SHANK2: variants seen among roughly 807,000 people sequenced by gnomAD.
SHANK2 encodes SH3 and multiple ankyrin repeat domains 2.
Under a neutral mutation model 133.7 loss-of-function variants are expected in SHANK2, and 43 were observed. That is an observed-to-expected ratio of 0.32 (90% CI 0.25 to 0.41). The LOEUF (loss-of-function observed/expected upper bound fraction) is 0.41. SHANK2 is among the 10% of genes least tolerant of loss of function. The pLI, the probability that SHANK2 is intolerant of heterozygous loss-of-function variation, is 1.00. For missense variants in SHANK2, 1,994 were observed against 2,235.8 expected, an observed-to-expected ratio of 0.89 and a Z score of 2.18; for synonymous variants, 1,017 against 952.8, an observed-to-expected ratio of 1.07 and a Z score of -1.24.
rs11424770 is a variant in SHANK2, at chr11:70,887,363, A to ATTT, written c.1174+9135_1174+9137dup. 4.3e-4 allele frequency among the ~76,000 whole-genome samples: 63 copies of ATTT among 146,484 alleles called. 1 individual carries two copies. The East Asian group carries it at 6.0e-3, about 14-fold the overall frequency. On this transcript the variant is annotated intron_variant, in intron 11 of 25. Coordinates refer to ENST00000601538, the MANE Select transcript of SHANK2 (RefSeq NM_012309.5). ...AATCACCAAACAGAGGTCCCATTTA[A>ATTT]TTTTTTTTTTTTTTTAAGAGGAAGG...
At chr11:70,521,033 C>G (rs1167915654) in intron 17 of SHANK2, among the ~76,000 whole-genome samples, 1 of 152,222 alleles carries the variant, frequency 6.6e-6, no homozygotes, top group Non-Finnish European at 1.5e-5. Flanking sequence ...CTGAGCCCAT[C>G]ACATGTGACT....
At chr11:70,695,074 T>C (rs782109861) in intron 15 of SHANK2, among the ~76,000 whole-genome samples, 3 of 152,086 alleles carry the variant, frequency 2.0e-5, no homozygotes, top group Non-Finnish European at 4.4e-5. Context: ...CCTGAATACG[T>C]CAGGATTCCA....
chr11:70,659,780 A>G, intron 17 of SHANK2, 48 bp downstream of exon 17: 1 of 1,612,116 alleles, frequency 6.2e-7, no homozygotes, highest in South Asian at 1.1e-5. Context: ...TCTCCCCGAG[A>G]GTCGGCGCTC....
chr11:70,627,326 G>C (rs1182591948), intron 17 of SHANK2, among the ~76,000 whole-genome samples: 4 of 152,186 alleles, frequency 2.6e-5, no homozygotes, highest in African/African-American at 9.6e-5. Flanking sequence ...GAACCCAGAT[G>C]TGGCAACTAT....
chr11:70,842,831 C>T (rs1470789119), intron 11 of SHANK2, among the ~76,000 whole-genome samples: 1 of 152,238 alleles, frequency 6.6e-6, no homozygotes, highest in Non-Finnish European at 1.5e-5. Context: ...GAAGCTCCCT[C>T]CACACGGTTT....
At chr11:71,219,042 G>C (rs1361502539) in intron 2 of SHANK2, among the ~76,000 whole-genome samples, 1 of 152,220 alleles carries the variant, frequency 6.6e-6, no homozygotes, top group Non-Finnish European at 1.5e-5. Flanking sequence ...CTGTGGGCAA[G>C]CTTCAGACCA....
chr11:71,201,404 C>T (rs545541303), intron 2 of SHANK2, among the ~76,000 whole-genome samples: 5 of 152,242 alleles, frequency 3.3e-5, no homozygotes, highest in Non-Finnish European at 5.9e-5. Context: ...GAGATTGCGC[C>T]GAGCTGGCGT....
intron 6 of SHANK2, among the ~76,000 whole-genome samples, chr11:71,095,963 C>G (rs190597741): frequency 3.6e-5 from 5 of 137,086 alleles, no homozygotes; most frequent in African/African-American, 1.3e-4. Flanking sequence ...CATCCTGTCT[C>G]CATGTGAAAA....
At chr11:70,621,535 G>T (rs1591660793) in intron 17 of SHANK2, among the ~76,000 whole-genome samples, 1 of 152,240 alleles carries the variant, frequency 6.6e-6, no homozygotes, top group Non-Finnish European at 1.5e-5. Flanking sequence ...CCCATGGCAG[G>T]TGCTTGGGAA....
intron 9 of SHANK2, among the ~76,000 whole-genome samples, chr11:71,069,093 A>G (rs1449992862): frequency 2.0e-5 from 3 of 150,368 alleles, no homozygotes; most frequent in Admixed American, 1.3e-4. Context: ...CACCATCATC[A>G]CCATCATCAT....
chr11:71,089,945 C>T (rs1016538997), intron 8 of SHANK2, among the ~76,000 whole-genome samples: 1 of 152,158 alleles, frequency 6.6e-6, no homozygotes, highest in Non-Finnish European at 1.5e-5. Context: ...CGAGTTTCCA[C>T]CAGGGACAAA....
intron 9 of SHANK2, among the ~76,000 whole-genome samples, chr11:71,072,361 G>T (rs1951154341): frequency 6.6e-6 from 1 of 152,198 alleles, no homozygotes; most frequent in Non-Finnish European, 1.5e-5. Flanking sequence ...ACTGGGCGGG[G>T]TGTCACTTGG....
At position 70,830,297 on chromosome 11, in the gene SHANK2, G is replaced by C. The variant is rs374471871; in HGVS notation, c.1175-9615C>G. Among the ~76,000 whole-genome samples, 4 of 152,226 alleles carry C rather than the reference G, an allele frequency of 2.6e-5. No individual in the cohort carries two copies. The East Asian group carries it at 7.7e-4, about 29-fold the overall frequency. ...CCGTGGCCTGAAGCCTGCCCTGCCT[G>C]CCTGGCTGGGAGGGAAGTTCTGTGT... On this transcript the variant is annotated intron_variant, in intron 11 of 25. Coordinates refer to ENST00000601538, the MANE Select transcript of SHANK2 (RefSeq NM_012309.5). The surrounding 1 kb of genome is among the most constrained non-coding windows in gnomAD (Gnocchi z 4.4).
intron 15 of SHANK2, among the ~76,000 whole-genome samples, chr11:70,669,992 G>A (rs1329948709): frequency 6.6e-6 from 1 of 152,246 alleles, no homozygotes; most frequent in Non-Finnish European, 1.5e-5. Flanking sequence ...CTGTGGGTGT[G>A]ATGTCTGATC....
chr11:70,614,864 G>A (rs2060717154), intron 17 of SHANK2, among the ~76,000 whole-genome samples: 1 of 152,230 alleles, frequency 6.6e-6, no homozygotes, highest in Non-Finnish European at 1.5e-5. Flanking sequence ...AACAACACGG[G>A]AGTACTGGAT....
intron 11 of SHANK2, among the ~76,000 whole-genome samples, chr11:70,869,888 T>A (rs1949431115): frequency 6.6e-6 from 1 of 152,120 alleles, no homozygotes; most frequent in African/African-American, 2.4e-5. Context: ...ATTATGTGAA[T>A]GCCTCCCCTC....
At chr11:71,134,544 A>C (rs1377274168) in intron 3 of SHANK2, among the ~76,000 whole-genome samples, 1 of 151,464 alleles carries the variant, frequency 6.6e-6, no homozygotes, top group African/African-American at 2.4e-5. Context: ...GGTTCAAGCA[A>C]TTCTCCTGCC....
At chr11:70,564,296 T>C (rs1190704725) in intron 17 of SHANK2, among the ~76,000 whole-genome samples, 1 of 152,004 alleles carries the variant, frequency 6.6e-6, no homozygotes, top group Non-Finnish European at 1.5e-5. Context: ...TCTCACCCTG[T>C]TGCCCAGGCT....
At chr11:70,489,211 C>T (rs1219839739) in intron 24 of SHANK2, 117 bp downstream of exon 24, 2 of 1,010,564 alleles carry the variant, frequency 2.0e-6, no homozygotes, top group Non-Finnish European at 3.2e-6. Context: ...TGACCAGTCA[C>T]TCTGAGTTGG....
Sources: gnomAD v4.1 joint callset for allele counts (sites outside exome capture counted in the v4.1 genomes callset) on GRCh38, gnomAD v4.1.1 for gene constraint, Gnocchi (gnomAD v3.1) non-coding constraint, MANE v1.5 for transcripts, NCBI Gene and HGNC (gene_info 2026-07-23, HGNC 2026-07-21) for gene names.